COL24A1: variants seen among roughly 807,000 people sequenced by gnomAD.
COL24A1 encodes the protein collagen type XXIV alpha 1 chain.
COL24A1 carries 224 observed loss-of-function variants against 253.9 expected under a neutral mutation model. The ratio of observed to expected loss-of-function variants is 0.88; its 90% CI spans 0.79 to 0.99. The LOEUF (loss-of-function observed/expected upper bound fraction) is 0.99. Ranked by LOEUF, COL24A1 falls within the 50% of genes least tolerant of loss-of-function variation. The probability of loss-of-function intolerance (pLI) is 0.00; values close to 1 mark genes in which losing one functional copy is unlikely to be tolerated. For missense variants in COL24A1, 2,131 were observed against 2,068.5 expected (o/e 1.03, Z -0.59); for synonymous variants, 685 against 673.7 (o/e 1.02, Z -0.26).
chr1:86,156,315 C>A, intron 1 of COL24A1, 26 bp downstream of exon 1: 2 of 1,606,574 alleles, frequency 1.2e-6, no homozygotes, highest in South Asian at 2.2e-5. Flanking sequence ...CTAACCCCTA[C>A]CCTACCCGGC....
intron 24 of COL24A1, among the ~76,000 whole-genome samples, chr1:85,943,912 A>C (rs111729493): frequency 3.3e-5 from 5 of 152,370 alleles, no homozygotes; most frequent in African/African-American, 1.2e-4. Context: ...AGAAAGTTCT[A>C]ATTCATTTTA....
At chr1:86,066,388 G>A (rs1384669197) in intron 7 of COL24A1, among the ~76,000 whole-genome samples, 3 of 151,542 alleles carry the variant, frequency 2.0e-5, no homozygotes, top group Non-Finnish European at 2.9e-5. Flanking sequence ...TCAGGCGCCC[G>A]CCACCATGCC....
At chr1:86,135,861 T>G (rs551292800) in intron 2 of COL24A1, among the ~76,000 whole-genome samples, 1 of 152,216 alleles carries the variant, frequency 6.6e-6, no homozygotes, top group South Asian at 2.1e-4. Flanking sequence ...GTTTCCTTAT[T>G]GTATATTTCT....
intron 58 of COL24A1, among the ~76,000 whole-genome samples, chr1:85,736,830 T>C (rs976241501): frequency 1.3e-5 from 2 of 152,200 alleles, no homozygotes; most frequent in Non-Finnish European, 2.9e-5. Context: ...TTTATAAATA[T>C]TTGTTATAAC....
At chr1:86,135,912 C>T (rs183394695) in intron 2 of COL24A1, among the ~76,000 whole-genome samples, 8 of 152,102 alleles carry the variant, frequency 5.3e-5, no homozygotes, top group Non-Finnish European at 8.8e-5. Flanking sequence ...TAATTCCTAG[C>T]CTAGCAACTT....
At chr1:86,109,916 T>C (rs1362469357) in intron 5 of COL24A1, among the ~76,000 whole-genome samples, 6 of 152,226 alleles carry the variant, frequency 3.9e-5, no homozygotes, top group African/African-American at 1.4e-4. Context: ...AGCTAGTTCC[T>C]TCCATTGTGT....
Position 86,125,941 on chromosome 1 carries a change from TGCAG to T in COL24A1, c.391_394del (p.Leu131AsnfsTer2), listed in dbSNP as rs752145676. The T allele has an allele frequency of 2.5e-5, 41 of 1,613,436 alleles. No homozygotes were observed. Among genetic ancestry groups the T allele is most frequent in the Non-Finnish European group, 7.6e-6 (9 of 1,179,778 alleles). On this transcript the variant is annotated frameshift_variant, in exon 3 of 60. Coordinates refer to ENST00000370571, the MANE Select transcript of COL24A1 (RefSeq NM_152890.7). LOFTEE classifies it high-confidence loss of function. ...TTTAGGTAGTAATTGTACTCCTAATTGCAGTCTATTTTTATTTCTAATGCTGAAG... is the reference window on the plus strand; with the variant it reads ...TTTAGGTAGTAATTGTACTCCTAATTTCTATTTTTATTTCTAATGCTGAAG...
At chr1:86,069,152 G>C (rs1701692642) in intron 7 of COL24A1, among the ~76,000 whole-genome samples, 1 of 152,184 alleles carries the variant, frequency 6.6e-6, no homozygotes, top group Non-Finnish European at 1.5e-5. Context: ...CAGTAGGGTA[G>C]GGCAATTAGC....
chr1:85,991,846 T>A (rs187737494), intron 19 of COL24A1, among the ~76,000 whole-genome samples: 4 of 152,052 alleles, frequency 2.6e-5, no homozygotes, highest in Non-Finnish European at 5.9e-5. Flanking sequence ...AACAAATATA[T>A]AAGCACAAGT....
chr1:85,904,747 T>C (rs1684641642), intron 28 of COL24A1, among the ~76,000 whole-genome samples: 1 of 152,160 alleles, frequency 6.6e-6, no homozygotes, highest in South Asian at 2.1e-4. Flanking sequence ...TTTCTTGAGA[T>C]GGTAGGACAT....
chr1:85,810,610 G>A (rs1033802649), intron 47 of COL24A1, among the ~76,000 whole-genome samples: 18 of 152,126 alleles, frequency 1.2e-4, no homozygotes, highest in Admixed American at 7.9e-4. Context: ...GGATCATGGG[G>A]GTGAGTCCCT....
chr1:85,832,997 C>G (rs1675522576), intron 43 of COL24A1, among the ~76,000 whole-genome samples: 1 of 151,916 alleles, frequency 6.6e-6, no homozygotes. Context: ...GCATCCCTGT[C>G]TTGTGCCAGT....
chr1:85,913,150 G>C (rs1685536187), intron 24 of COL24A1, among the ~76,000 whole-genome samples: 1 of 152,162 alleles, frequency 6.6e-6, no homozygotes, highest in South Asian at 2.1e-4. Flanking sequence ...GTAAGAGACT[G>C]AACACTTTCA....
At chr1:86,079,838 A>G (rs555796539) in intron 7 of COL24A1, among the ~76,000 whole-genome samples, 9 of 152,186 alleles carry the variant, frequency 5.9e-5, no homozygotes, top group Admixed American at 2.6e-4. Context: ...AAATTAGTAC[A>G]ACCATTATGG....
chr1:85,778,605 A>AT (rs369650547), intron 52 of COL24A1, among the ~76,000 whole-genome samples: 76,100 of 138,134 alleles, frequency 0.55, 22,564 homozygotes, highest in South Asian at 0.79. Flanking sequence ...TTATTCTTCA[A>AT]TTTTTTTTTT....
Position 85,868,520 on chromosome 1 carries a change from G to A in COL24A1, c.3299C>T (p.Pro1100Leu), listed in dbSNP as rs765411309. 2.0e-5 allele frequency: 33 copies of A among 1,610,492 alleles called. No individual in the cohort carries two copies. Among genetic ancestry groups the A allele is most frequent in the Middle Eastern group, 1.6e-4 (1 of 6,074 alleles). ...GAAAGTGAACCCAGCAGTACTTACC[G>A]GAAGGCCTGTTTGGCCTGATCTACC... is the stretch of plus-strand genomic sequence containing the variant. ...PLGRSGQTGL[P>L]GPEGIVGIPG... Residue 1100 changes from proline (P) to leucine (L), a missense_variant and splice_region_variant, in exon 37 of 60, where the codon CCG (proline) becomes CTG (leucine). Pro to Leu is a moderately conservative substitution (Grantham distance 98). Coordinates refer to ENST00000370571, the MANE Select transcript of COL24A1 (RefSeq NM_152890.7).
At chr1:85,745,041 T>A (rs1665059398) in intron 56 of COL24A1, among the ~76,000 whole-genome samples, 1 of 152,002 alleles carries the variant, frequency 6.6e-6, no homozygotes, top group Admixed American at 6.6e-5. Context: ...AGTTTAGTTT[T>A]CAAGCTAACA....
In COL24A1 at chr1:85,842,473, A is replaced by G. The variant is rs909849904; in HGVS notation, c.3463-80T>C. 5.0e-6 allele frequency: 5 copies of G among 990,302 alleles called. No individual in the cohort carries two copies. In the African/African-American group the frequency reaches 8.3e-5, roughly 17 times the overall value. The allele number at this position is 990,302 out of a possible 1,614,324, so 61.3% of individuals were successfully genotyped here. A position where few individuals can be genotyped will look rare whatever the true frequency, so the allele number is the denominator to read the frequency against. ...CATTAGACTTCTACTCCTATTGTTT[A>G]AATTGTTACCTTTAGATTTTTCATG... On this transcript the variant is annotated intron_variant, in intron 39 of 59. Transcript: ENST00000370571.
rs754880428 is a variant in COL24A1, at chr1:86,050,190, A to G, written c.1852-13T>C. The G allele has an allele frequency of 6.2e-7, 1 of 1,611,278 alleles. No homozygotes were observed. Among genetic ancestry groups the G allele is most frequent in the Non-Finnish European group, 8.5e-7 (1 of 1,177,520 alleles). ...AGCCAATAAAACCCTTAAAACAAGA[A>G]AATAGTCTGTATATTAGTTCATTTG... On this transcript the variant is annotated splice_polypyrimidine_tract_variant and intron_variant, in intron 10 of 59. Coordinates refer to ENST00000370571, the MANE Select transcript of COL24A1 (RefSeq NM_152890.7).
Sources: allele counts gnomAD v4.1 joint callset (sites outside exome capture counted in the v4.1 genomes callset), GRCh38; gene constraint gnomAD v4.1.1; transcripts MANE v1.5; gene names NCBI Gene and HGNC (gene_info 2026-07-23, HGNC 2026-07-21).